Variants in MYH10 observed in about 807,000 individuals in gnomAD.
The protein encoded by MYH10 is myosin heavy chain 10, also known as myosin-10.
Under a neutral mutation model 257.8 loss-of-function variants are expected in MYH10, and 55 were observed. The observed-to-expected ratio is 0.21, with a 90% CI of 0.17 to 0.27. MYH10 has a LOEUF of 0.27. Ranked by LOEUF, MYH10 falls within the 10% of genes least tolerant of loss-of-function variation. The pLI, the probability that MYH10 is intolerant of heterozygous loss-of-function variation, is 1.00. For missense variants in MYH10, 1,631 were observed against 2,500.6 expected (o/e 0.65, Z 7.42); for synonymous variants, 854 against 921.7 (o/e 0.93, Z 1.33).
At position 8,518,025 on chromosome 17, in the gene MYH10, C is replaced by CGTGT. The variant is rs34409328; in HGVS notation, c.2504+602_2504+605dup. Among the ~76,000 whole-genome samples the CGTGT allele has an allele frequency of 6.4e-3, 789 of 123,710 alleles. 30 individuals carry two copies. The highest frequency in any genetic ancestry group is 0.023 in the African/African-American group (724 of 31,924). The allele number at this position is 123,710 out of a possible 152,430, so 81.2% of individuals were successfully genotyped here. A position where few individuals can be genotyped will look rare whatever the true frequency, so the allele number is the denominator to read the frequency against. ...AGCAGGACCCCATACCCCTTGGCCCCGTGTGTGTGTGTGTGTGTGTGTGTG... is the reference window on the plus strand; with the variant it reads ...AGCAGGACCCCATACCCCTTGGCCCCGTGTGTGTGTGTGTGTGTGTGTGTGTGTG... On this transcript the variant is annotated intron_variant, in intron 21 of 42. Coordinates refer to ENST00000360416, the MANE Select transcript of MYH10 (RefSeq NM_001256012.3).
intron 6 of MYH10, among the ~76,000 whole-genome samples, chr17:8,571,174 TTTTTG>T (rs1177977529): frequency 2.1e-4 from 1 of 4,770 alleles, no homozygotes; most frequent in African/African-American, 2.5e-4. Context: ...TCCTGTAAAG[TTTTTG>T]TTTTTTTTTT....
intron 1 of MYH10, among the ~76,000 whole-genome samples, chr17:8,630,125 C>T (rs931463347): frequency 6.6e-6 from 1 of 151,760 alleles, no homozygotes; most frequent in African/African-American, 2.4e-5. Flanking sequence ...CTGCCCAGCG[C>T]CCCCCCACCC....
chr17:8,483,488 A>G (rs1198559769), intron 37 of MYH10, among the ~76,000 whole-genome samples: 1 of 152,204 alleles, frequency 6.6e-6, no homozygotes, highest in Non-Finnish European at 1.5e-5. Flanking sequence ...GCCTTTGCTA[A>G]TATTTTATCC....
intron 23 of MYH10, 86 bp from the exon 24 acceptor site, chr17:8,512,743 C>T (rs2081341425): frequency 3.8e-6 from 4 of 1,048,132 alleles, no homozygotes; most frequent in Non-Finnish European, 5.4e-6. Context: ...GGTCAATGCA[C>T]ATCAAAGAAA....
At chr17:8,541,908 C>A in intron 14 of MYH10, 199 bp downstream of exon 14, 1 of 500,514 alleles carries the variant, frequency 2.0e-6, no homozygotes. Flanking sequence ...GCGAGGAGAG[C>A]TAAAGAAGGG....
At chr17:8,500,060 CA>C (rs1917276427) in intron 29 of MYH10, among the ~76,000 whole-genome samples, 1 of 152,190 alleles carries the variant, frequency 6.6e-6, no homozygotes, top group African/African-American at 2.4e-5. Flanking sequence ...GACTGTGCCA[CA>C]GGGTTGTAGC....
chr17:8,531,074 A>G (rs2081991920), intron 16 of MYH10, among the ~76,000 whole-genome samples: 1 of 152,196 alleles, frequency 6.6e-6, no homozygotes, highest in African/African-American at 2.4e-5. Flanking sequence ...ACTATGGCGA[A>G]TGTAAGTATC....
intron 3 of MYH10, among the ~76,000 whole-genome samples, chr17:8,591,359 G>A (rs1045431736): frequency 6.6e-6 from 1 of 152,108 alleles, no homozygotes; most frequent in Non-Finnish European, 1.5e-5. Flanking sequence ...GGTGCCATGT[G>A]GGCACTGGCA....
chr17:8,511,297 A>G (rs2081287050), intron 24 of MYH10: 1 of 152,134 alleles, frequency 6.6e-6, no homozygotes, highest in African/African-American at 2.4e-5. Context: ...AGGTGGGTGG[A>G]TCACCTGAGG....
chr17:8,497,435 T>C (rs796067665), intron 30 of MYH10, among the ~76,000 whole-genome samples: 4 of 151,344 alleles, frequency 2.6e-5, no homozygotes, highest in African/African-American at 9.7e-5. Flanking sequence ...CAACCAACCA[T>C]GTATTAAAAA....
intron 35 of MYH10, among the ~76,000 whole-genome samples, chr17:8,489,237 T>C (rs1915362112): frequency 6.6e-6 from 1 of 152,142 alleles, no homozygotes; most frequent in Non-Finnish European, 1.5e-5. Context: ...CCGAGGTCCT[T>C]ACTGTACCAG....
intron 2 of MYH10, among the ~76,000 whole-genome samples, chr17:8,610,270 G>GAAAAAAA (rs1567977649): frequency 1.2e-4 from 1 of 8,024 alleles, no homozygotes; most frequent in African/African-American, 2.8e-3. Flanking sequence ...CCATAGGATT[G>GAAAAAAA]CAAAAAAAAA....
At chr17:8,524,732 T>TTTGTTTC (rs974161805) in intron 17 of MYH10, among the ~76,000 whole-genome samples, 3 of 152,200 alleles carry the variant, frequency 2.0e-5, no homozygotes, top group Non-Finnish European at 2.9e-5. Flanking sequence ...CATGTTTCCT[T>TTTGTTTC]CATTTACACC....
chr17:8,628,933 T>G (rs1370260924), intron 1 of MYH10, among the ~76,000 whole-genome samples: 1 of 152,222 alleles, frequency 6.6e-6, no homozygotes, highest in Non-Finnish European at 1.5e-5. Context: ...ATCCTTCTGC[T>G]GCCAAAGCTC....
rs568663212 is a variant in MYH10 at position 8,563,127 on chromosome 17, GC to G, written c.756+6592del. ...CACATCAGCACAGATAGGGTGCTAT[GC>G]ATGTGTGTTAGCTATTTGCCCTAAA... On this transcript the variant is annotated intron_variant, in intron 7 of 42. Transcript: ENST00000360416. Among the ~76,000 whole-genome samples the G allele has an allele frequency of 6.2e-3, 941 of 152,292 alleles. 11 individuals are homozygous for G. The highest frequency in any genetic ancestry group is 0.022 in the African/African-American group (908 of 41,564).
rs562266380 is a variant in MYH10 at position 8,615,277 on chromosome 17, C to CA, written c.345+7624dup. 8.6e-3 allele frequency among the ~76,000 whole-genome samples: 1,209 copies of CA among 141,006 alleles called. 11 individuals are homozygous for CA. The highest frequency in any genetic ancestry group is 0.027 in the African/African-American group (1,038 of 38,652). 92.5% of individuals were successfully genotyped at this position (141,006 alleles called of 152,430 possible). A position where few individuals can be genotyped will look rare whatever the true frequency, so the allele number is the denominator to read the frequency against. On this transcript the variant is annotated intron_variant, in intron 2 of 42. Transcript: ENST00000360416. ...TGGGTGACAGAGTGAGAACCTATCT[C>CA]AAAAAAAAAAAGAAACACTGATACA... is the stretch of plus-strand genomic sequence containing the variant.
intron 3 of MYH10, 60 bp downstream of exon 3, chr17:8,604,763 TAAA>T: frequency 1.6e-6 from 2 of 1,223,902 alleles, no homozygotes; most frequent in South Asian, 4.9e-5. Context: ...ATTGAGACAT[TAAA>T]AAACAGTAAA....
intron 3 of MYH10, among the ~76,000 whole-genome samples, chr17:8,589,802 C>G (rs1382367427): frequency 6.6e-6 from 1 of 152,152 alleles, no homozygotes; most frequent in Non-Finnish European, 1.5e-5. Context: ...AGGTGAAAAT[C>G]AAACCACTAT....
chr17:8,572,265 A>T (rs200810756), intron 6 of MYH10, among the ~76,000 whole-genome samples: 1,038 of 39,142 alleles, frequency 0.027, 17 homozygotes, highest in African/African-American at 0.052. Flanking sequence ...TGTGAGTGAG[A>T]GAGAGAGAGA....
Sources: gnomAD v4.1 joint callset for allele counts (sites outside exome capture counted in the v4.1 genomes callset) on GRCh38, gnomAD v4.1.1 for gene constraint, MANE v1.5 for transcripts, NCBI Gene and HGNC (gene_info 2026-07-23, HGNC 2026-07-21) for gene names.